Variants in ATF7IP observed in about 807,000 individuals in gnomAD.
The protein encoded by ATF7IP is activating transcription factor 7-interacting protein 1.
Under a neutral mutation model 106.4 loss-of-function variants are expected in ATF7IP, and 23 were observed. That is an observed-to-expected ratio of 0.22 (90% confidence interval 0.16 to 0.31). The LOEUF (loss-of-function observed/expected upper bound fraction) is 0.31, where lower values mean the gene tolerates loss of function less well. ATF7IP is among the 10% of genes least tolerant of loss of function. The probability of loss-of-function intolerance (pLI) is 1.00; values close to 1 mark genes in which losing one functional copy is unlikely to be tolerated. For missense variants in ATF7IP, 1,334 were observed against 1,524.3 expected, an observed-to-expected ratio of 0.88 and a Z score of 2.08; for synonymous variants, 542 against 539.0, an observed-to-expected ratio of 1.01 and a Z score of -0.08.
Position 14,411,974 on chromosome 12 carries a change from T to C in ATF7IP, c.-7-11935T>C, listed in dbSNP as rs1352588520. ...ATTAATTTTTGTATAAGGCAAGAAA[T>C]AGGACTCCAACTTCATTCTTTTGCA... On this transcript the variant is annotated intron_variant, in intron 1 of 14. Transcript: ENST00000261168. 2.0e-5 allele frequency among the ~76,000 whole-genome samples: 3 copies of C among 152,282 alleles called. No individual in the cohort carries two copies. In the East Asian group the frequency reaches 5.8e-4, roughly 29 times the overall value.
At chr12:14,430,775 T>A (rs1203704086) in intron 2 of ATF7IP, among the ~76,000 whole-genome samples, 1 of 152,208 alleles carries the variant, frequency 6.6e-6, no homozygotes, top group African/African-American at 2.4e-5. Context: ...TTTTTGTAAA[T>A]AAAGTTTTAT....
intron 13 of ATF7IP, among the ~76,000 whole-genome samples, chr12:14,483,409 A>G (rs1944490490): frequency 6.6e-6 from 1 of 152,024 alleles, no homozygotes; most frequent in Non-Finnish European, 1.5e-5. Context: ...AACCAACACT[A>G]ACTCCTTCGC....
intron 6 of ATF7IP, among the ~76,000 whole-genome samples, chr12:14,449,150 A>G (rs1943099273): frequency 6.6e-6 from 1 of 152,024 alleles, no homozygotes; most frequent in African/African-American, 2.4e-5. Context: ...AGTTTGATGC[A>G]GTTCTGTTTG....
At chr12:14,468,759 G>A (rs1591930392) in intron 10 of ATF7IP, among the ~76,000 whole-genome samples, 1 of 152,144 alleles carries the variant, frequency 6.6e-6, no homozygotes, top group African/African-American at 2.4e-5. Context: ...GTTTTATTGT[G>A]TAATAAGAAA....
chr12:14,407,542 CA>C (rs1220923078), intron 1 of ATF7IP, among the ~76,000 whole-genome samples: 1 of 152,158 alleles, frequency 6.6e-6, no homozygotes, highest in East Asian at 1.9e-4. Flanking sequence ...TACAAAGAGA[CA>C]TGCCTATTAA....
intron 1 of ATF7IP, among the ~76,000 whole-genome samples, chr12:14,408,933 T>G (rs1940758055): frequency 1.3e-5 from 2 of 152,138 alleles, no homozygotes; most frequent in South Asian, 4.1e-4. Flanking sequence ...TTCTATGTGC[T>G]CAACACTACG....
intron 1 of ATF7IP, among the ~76,000 whole-genome samples, chr12:14,400,258 T>C (rs1565482312): frequency 6.6e-6 from 1 of 152,264 alleles, no homozygotes. Context: ...CATGCCTGTA[T>C]ACATGTTTAG....
At chr12:14,466,295 T>C in intron 9 of ATF7IP, 1 of 414,908 alleles carries the variant, frequency 2.4e-6, no homozygotes, top group Non-Finnish European at 4.3e-6. Context: ...AGAGTTAAAA[T>C]TGCTGGGCCA....
rs1941746844 is a variant in ATF7IP, at chr12:14,424,751, T to C, written c.836T>C (p.Leu279Pro). 3 of 1,614,210 alleles carry C rather than the reference T, an allele frequency of 1.9e-6. No homozygotes were observed. The East Asian group carries it at 6.7e-5, about 36-fold the overall frequency. ...ACTGGTGAACTGGCCTCTGATGAGC[T>C]GACTTCTGAATCAACCTTTGATCGT... ...LATGELASDE[L>P]TSESTFDRTF... The change falls in exon 2 of 15, where the codon CTG becomes CCG. Residue 279 changes from leucine (L) to proline (P), a missense_variant. By Grantham distance (98) the Leu-to-Pro change is moderately conservative. This residue lies in a region of ATF7IP where 438 missense variants were observed against 405.3 expected (regional missense o/e 1.08). Coordinates refer to ENST00000261168, the MANE Select transcript of ATF7IP (RefSeq NM_018179.5).
chr12:14,480,927 G>A (rs916978659), intron 12 of ATF7IP, 76 bp from the exon 13 acceptor site: 2 of 1,302,954 alleles, frequency 1.5e-6, no homozygotes, highest in African/African-American at 3.0e-5. Context: ...TTTATGCAAA[G>A]ATAACTGCCA....
At position 14,392,224 on chromosome 12, in the gene ATF7IP, CT is replaced by C. The variant is rs201384325; in HGVS notation, c.-8+26407del. On this transcript the variant is annotated intron_variant, in intron 1 of 14. Coordinates refer to ENST00000261168, the MANE Select transcript of ATF7IP (RefSeq NM_018179.5). ...TCACAAGACTCCCTTTAGCACAGAT[CT>C]TTTTTTTTTCTTTTTTTTCTTTTAA... Among the ~76,000 whole-genome samples the C allele has an allele frequency of 4.7e-5, 7 of 148,012 alleles. No individual in the cohort carries two copies. The East Asian group carries it at 9.8e-4, about 21-fold the overall frequency.
intron 6 of ATF7IP, among the ~76,000 whole-genome samples, chr12:14,447,281 C>CTTTT (rs58719124): frequency 1.1e-5 from 1 of 87,852 alleles, no homozygotes; most frequent in African/African-American, 4.8e-5. Flanking sequence ...TTATGCAATT[C>CTTTT]TTTTTTTTTT....
At chr12:14,473,284 C>CTGTATGTG (rs1308385092) in intron 10 of ATF7IP, among the ~76,000 whole-genome samples, 10 of 68,600 alleles carry the variant, frequency 1.5e-4, no homozygotes, top group Non-Finnish European at 2.1e-4. Context: ...CGCTCTCTCT[C>CTGTATGTG]TCTCTCTGTG....
At chr12:14,443,890 A>G (rs1942830173) in intron 5 of ATF7IP, among the ~76,000 whole-genome samples, 1 of 152,200 alleles carries the variant, frequency 6.6e-6, no homozygotes, top group Non-Finnish European at 1.5e-5. Context: ...TAGAAAATAT[A>G]ATGAGAAAAA....
intron 13 of ATF7IP, among the ~76,000 whole-genome samples, chr12:14,491,000 A>G (rs1944799353): frequency 6.6e-6 from 1 of 152,150 alleles, no homozygotes. Context: ...AGTTACCTGC[A>G]AAAGATGACA....
intron 1 of ATF7IP, among the ~76,000 whole-genome samples, chr12:14,398,167 C>T (rs1257855170): frequency 6.6e-6 from 1 of 151,882 alleles, no homozygotes; most frequent in East Asian, 1.9e-4. Context: ...ATTGCTTGCT[C>T]ATTTGTTTTC....
chr12:14,479,838 T>A (rs1944379448), intron 12 of ATF7IP, among the ~76,000 whole-genome samples: 1 of 152,268 alleles, frequency 6.6e-6, no homozygotes, highest in African/African-American at 2.4e-5. Context: ...TTGTTCTATC[T>A]AAATAGGCAG....
At chr12:14,449,635 C>A (rs1284661582) in intron 6 of ATF7IP, among the ~76,000 whole-genome samples, 1 of 136,824 alleles carries the variant, frequency 7.3e-6, no homozygotes, top group African/African-American at 2.8e-5. Context: ...GTTTGAAAAC[C>A]TCCAACTTTG....
chr12:14,438,039 C>G, intron 4 of ATF7IP, 91 bp from the exon 5 acceptor site: 1 of 1,264,758 alleles, frequency 7.9e-7, no homozygotes, highest in Non-Finnish European at 1.1e-6. Context: ...GGCGACAGAG[C>G]GAGACTCTGT....
Sources: gnomAD v4.1 joint callset for allele counts (sites outside exome capture counted in the v4.1 genomes callset) on GRCh38, gnomAD v4.1.1 for gene constraint, gnomAD v4.1.1 regional missense constraint, MANE v1.5 for transcripts, NCBI Gene and HGNC (gene_info 2026-07-23, HGNC 2026-07-21) for gene names.